ANKRD55: variants seen among roughly 807,000 people sequenced by gnomAD.
The protein encoded by ANKRD55 is ankyrin repeat domain 55.
In ANKRD55, 41 loss-of-function variants were observed where a neutral mutation model predicts 60.6. That is an observed-to-expected ratio of 0.68 (90% confidence interval 0.53 to 0.88). The LOEUF is 0.88. ANKRD55 is among the 40% of genes least tolerant of loss of function. The pLI is 0.00. For synonymous variants in ANKRD55, 264 were observed against 290.3 expected (o/e 0.91, Z 0.92); for missense variants, 732 against 767.6 (o/e 0.95, Z 0.55).
At chr5:56,148,352 G>T (rs1210072531) in intron 6 of ANKRD55, among the ~76,000 whole-genome samples, 3 of 152,186 alleles carry the variant, frequency 2.0e-5, no homozygotes, top group African/African-American at 7.2e-5. Flanking sequence ...TGGCCCTGGT[G>T]ACGGGAGAAT....
rs565101844 is a variant in ANKRD55, at chr5:56,193,248, A to G, written c.59-9614T>C. On this transcript the variant is annotated intron_variant, in intron 2 of 11. Transcript: ENST00000341048. The stretch of plus-strand genomic sequence containing the variant: ...TGCATTTAAAACAGACAAGTGTCAC[A>G]TAGTTCCTCCACTGAAGACTTAGCA... 9.3e-6 allele frequency: 10 copies of G among 1,075,060 alleles called. No individual in the cohort carries two copies. In the East Asian group the frequency reaches 2.3e-4, roughly 25 times the overall value. 66.6% of individuals were successfully genotyped at this position (1,075,060 alleles called of 1,614,324 possible).
chr5:56,188,155 G>A (rs374397782), intron 2 of ANKRD55, among the ~76,000 whole-genome samples: 42 of 152,202 alleles, frequency 2.8e-4, no homozygotes, highest in African/African-American at 1.0e-3. Flanking sequence ...CATTATCCTG[G>A]CCATGGAGAT....
At chr5:56,181,731 A>G (rs1276903559) in intron 3 of ANKRD55, among the ~76,000 whole-genome samples, 3 of 152,182 alleles carry the variant, frequency 2.0e-5, no homozygotes, top group African/African-American at 7.2e-5. Context: ...CTAGGATTAC[A>G]GGCTTATGCC....
chr5:56,112,511 A>AAAAAAAACAAAAAAAAAAC lies in ANKRD55; in HGVS notation c.966-730_966-729insGTTTTTTTTTTGTTTTTTT, dbSNP rs1554036588. ...GCAGGATCTCATCTCTAGCAAAAAA[A>AAAAAAAACAAAAAAAAAAC]AAAAAAAAAAACAACCAAGGAAAGA... On this transcript the variant is annotated intron_variant, in intron 9 of 11. Coordinates refer to ENST00000341048, the MANE Select transcript of ANKRD55 (RefSeq NM_024669.3). Among the ~76,000 whole-genome samples, 518 of 81,518 alleles carry AAAAAAAACAAAAAAAAAAC rather than the reference A, an allele frequency of 6.4e-3. 33 individuals are homozygous for AAAAAAAACAAAAAAAAAAC. The highest frequency in any genetic ancestry group is 0.027 in the African/African-American group (492 of 18,526). 53.5% of individuals were successfully genotyped at this position (81,518 alleles called of 152,430 possible).
At chr5:56,215,871 A>G (rs1759793358) in intron 2 of ANKRD55, among the ~76,000 whole-genome samples, 1 of 151,946 alleles carries the variant, frequency 6.6e-6, no homozygotes, top group Non-Finnish European at 1.5e-5. Context: ...AATTAGGAGT[A>G]CTGGCTAGTA....
chr5:56,229,869 T>TA (rs1374314905), intron 2 of ANKRD55, among the ~76,000 whole-genome samples: 1 of 152,026 alleles, frequency 6.6e-6, no homozygotes, highest in Non-Finnish European at 1.5e-5. Flanking sequence ...TGTTGCTATT[T>TA]AGTGGGGTGT....
At chr5:56,186,407 G>A (rs1050650196) in intron 2 of ANKRD55, among the ~76,000 whole-genome samples, 1 of 152,106 alleles carries the variant, frequency 6.6e-6, no homozygotes, top group African/African-American at 2.4e-5. Context: ...TCCCATGTTG[G>A]CTTCCCAAAG....
At chr5:56,177,360 C>G (rs1231009808) in intron 3 of ANKRD55, among the ~76,000 whole-genome samples, 1 of 152,154 alleles carries the variant, frequency 6.6e-6, no homozygotes, top group African/African-American at 2.4e-5. Context: ...TTCCCTTCCT[C>G]CCTTCCTTTC....
Position 56,129,927 on chromosome 5 carries a change from C to T in ANKRD55, c.613-2821G>A, listed in dbSNP as rs1757366569. ...TCCTGGCTCATCGGTTGGAGCCAGACATGTTAGACTAGAATGGAGACAAAA... is the reference window on the plus strand; with the variant it reads ...TCCTGGCTCATCGGTTGGAGCCAGATATGTTAGACTAGAATGGAGACAAAA... On this transcript the variant is annotated intron_variant, in intron 7 of 11. Coordinates refer to ENST00000341048, the MANE Select transcript of ANKRD55 (RefSeq NM_024669.3). Among the ~76,000 whole-genome samples the T allele has an allele frequency of 1.3e-5, 2 of 152,214 alleles. 1 individual carries two copies. The highest frequency in any genetic ancestry group is 4.1e-4 in the South Asian group (2 of 4,826).
chr5:56,132,437 A>AAAT (rs1757446785), intron 7 of ANKRD55, among the ~76,000 whole-genome samples: 1 of 150,534 alleles, frequency 6.6e-6, no homozygotes, highest in Non-Finnish European at 1.5e-5. Context: ...AAAAAAAAAA[A>AAAT]AAAATTAGCT....
chr5:56,194,631 T>C (rs1023354808), intron 2 of ANKRD55, among the ~76,000 whole-genome samples: 1 of 152,220 alleles, frequency 6.6e-6, no homozygotes, highest in Non-Finnish European at 1.5e-5. Context: ...TGTTGTCTCT[T>C]TTCTAAATAT....
At position 56,189,713 on chromosome 5, in the gene ANKRD55, A is replaced by G. The variant is rs186402789; in HGVS notation, c.59-6079T>C. 2.6e-5 allele frequency among the ~76,000 whole-genome samples: 4 copies of G among 152,326 alleles called. No individual in the cohort carries two copies. In the East Asian group the frequency reaches 7.7e-4, roughly 29 times the overall value. On this transcript the variant is annotated intron_variant, in intron 2 of 11. Coordinates refer to ENST00000341048, the MANE Select transcript of ANKRD55 (RefSeq NM_024669.3). The stretch of plus-strand genomic sequence containing the variant: ...TGTATGTATGCATCACATTTTGTTT[A>G]TTCATTACCTGTCAGTGGACACTTG...
At chr5:56,109,835 G>T (rs1014388429) in intron 10 of ANKRD55, among the ~76,000 whole-genome samples, 1 of 152,084 alleles carries the variant, frequency 6.6e-6, no homozygotes, top group African/African-American at 2.4e-5. Context: ...TGGCTAACAT[G>T]GTGAAACCCC....
At position 56,143,941 on chromosome 5, in the gene ANKRD55, C is replaced by G. The variant is rs1757835572; in HGVS notation, c.484-12G>C. 3.1e-6 allele frequency: 5 copies of G among 1,613,674 alleles called. No individual in the cohort carries two copies. Among genetic ancestry groups the G allele is most frequent in the Non-Finnish European group, 4.2e-6 (5 of 1,180,034 alleles). Reference sequence around the variant, plus strand: ...AGTGGTGTCATTCCCTGCAAAACAACAGTCAGAGAGGACAGAGATGAGCAC... The same window carrying G: ...AGTGGTGTCATTCCCTGCAAAACAAGAGTCAGAGAGGACAGAGATGAGCAC... On this transcript the variant is annotated splice_polypyrimidine_tract_variant and intron_variant, in intron 6 of 11. Coordinates refer to ENST00000341048, the MANE Select transcript of ANKRD55 (RefSeq NM_024669.3).
At chr5:56,138,051 AG>A (rs1757656796) in intron 7 of ANKRD55, among the ~76,000 whole-genome samples, 1 of 152,118 alleles carries the variant, frequency 6.6e-6, no homozygotes, top group Admixed American at 6.5e-5. Context: ...AATGAACAAC[AG>A]GAACTCTCAT....
At chr5:56,135,914 T>C (rs922034448) in intron 7 of ANKRD55, among the ~76,000 whole-genome samples, 3 of 152,104 alleles carry the variant, frequency 2.0e-5, no homozygotes, top group Non-Finnish European at 4.4e-5. Flanking sequence ...ATACTAGCAA[T>C]GAGCAAATAG....
chr5:56,198,042 C>T (rs977088669), intron 2 of ANKRD55, among the ~76,000 whole-genome samples: 12 of 152,064 alleles, frequency 7.9e-5, no homozygotes, highest in African/African-American at 2.9e-4. Context: ...GTATTTATTG[C>T]CCTTCTTTAT....
chr5:56,138,906 A>AT (rs1757680719), intron 7 of ANKRD55, among the ~76,000 whole-genome samples: 1 of 152,224 alleles, frequency 6.6e-6, no homozygotes, highest in African/African-American at 2.4e-5. Context: ...TTAATGATGG[A>AT]TACATGTCAT....
At chr5:56,216,573 T>G (rs1052693536) in intron 2 of ANKRD55, among the ~76,000 whole-genome samples, 1 of 152,170 alleles carries the variant, frequency 6.6e-6, no homozygotes, top group Admixed American at 6.5e-5. Context: ...TTGAAGGAAA[T>G]TAAAAGTGCT....
Sources: gnomAD v4.1 joint callset for allele counts (sites outside exome capture counted in the v4.1 genomes callset) on GRCh38, gnomAD v4.1.1 for gene constraint, MANE v1.5 for transcripts, NCBI Gene and HGNC (gene_info 2026-07-23, HGNC 2026-07-21) for gene names.